The following TRPV3 variants were observed in gnomAD, a reference collection of about 807,000 sequenced individuals.
TRPV3 encodes transient receptor potential cation channel subfamily V member 3.
A neutral mutation model predicts 87.1 loss-of-function variants in TRPV3; 88 were observed. The observed-to-expected ratio is 1.01, with a 90% CI of 0.85 to 1.21. The LOEUF (loss-of-function observed/expected upper bound fraction) is 1.21. Ranked by LOEUF, TRPV3 falls within the 50% of genes most tolerant of loss-of-function variation. The probability of loss-of-function intolerance (pLI) is 0.00; values close to 1 mark genes in which losing one functional copy is unlikely to be tolerated. For synonymous variants in TRPV3, 438 were observed against 423.3 expected (o/e 1.03, Z -0.43); for missense variants, 1,054 against 1,030.1 (o/e 1.02, Z -0.32).
intron 2 of TRPV3, chr17:3,546,770 G>T: frequency 2.4e-6 from 1 of 417,258 alleles, no homozygotes; most frequent in Non-Finnish European, 4.9e-6. Flanking sequence ...TTGAGGTCAG[G>T]AGTTTGAGGC....
At position 3,530,284 on chromosome 17, in the gene TRPV3, G is replaced by T. The variant is rs1378515752; in HGVS notation, c.1066-81C>A. 1 of 1,435,108 alleles carries T rather than the reference G, an allele frequency of 7.0e-7. No homozygotes were observed. The highest frequency in any genetic ancestry group is 9.4e-7 in the Non-Finnish European group (1 of 1,062,250). The allele number at this position is 1,435,108 out of a possible 1,614,324, so 88.9% of individuals were successfully genotyped here. A position where few individuals can be genotyped will look rare whatever the true frequency, so the allele number is the denominator to read the frequency against. ...GGGCTGGACCAGCCAGAGGCTGGCT[G>T]GGCCCAGGGGATACACCCGCCCAGA... On this transcript the variant is annotated intron_variant, in intron 8 of 17. Transcript: ENST00000576742. The surrounding 1 kb of genome is among the most constrained non-coding windows in gnomAD (Gnocchi z 4.0).
chr17:3,551,956 C>A (rs1449003618), intron 2 of TRPV3, among the ~76,000 whole-genome samples: 1 of 130,826 alleles, frequency 7.6e-6, no homozygotes, highest in African/African-American at 2.8e-5. Context: ...AATCTCAGCT[C>A]ACTGCAACTT....
intron 7 of TRPV3, among the ~76,000 whole-genome samples, chr17:3,533,494 T>C (rs1444110478): frequency 7.2e-6 from 1 of 139,736 alleles, no homozygotes; most frequent in African/African-American, 2.6e-5. Context: ...CCTTGTCCTC[T>C]GCTTTACTTT....
intron 13 of TRPV3, among the ~76,000 whole-genome samples, chr17:3,521,427 A>AGAACTAAAT (rs1404876242): frequency 6.6e-6 from 1 of 152,230 alleles, no homozygotes; most frequent in Admixed American, 6.5e-5. Flanking sequence ...GCCATTATTC[A>AGAACTAAAT]GAACTAAATC....
rs770315577 is a variant in TRPV3 at position 3,528,848 on chromosome 17, G to A, written c.1390C>T (p.Arg464Trp). ...TLTLVSYYRP[R>W]EEEAIPHPLA... ...AGGGGCCCACGTACCTCCTCCTCCC[G>A]GGGGCGGTAGTACGAGACGAGGGTC... is the stretch of plus-strand genomic sequence containing the variant. Residue 464 changes from arginine to tryptophan, a missense_variant, in exon 10 of 18, where the codon CGG becomes TGG. By Grantham distance (101) the Arg-to-Trp change is moderately radical. Transcript: ENST00000576742. This position sits in a 1 kb window ranked among gnomAD's most constrained non-coding sequence, Gnocchi z 4.2. 1.5e-5 allele frequency: 25 copies of A among 1,613,644 alleles called. No homozygotes were observed. The highest frequency in any genetic ancestry group is 3.3e-5 in the Admixed American group (2 of 59,994).
intron 14 of TRPV3, among the ~76,000 whole-genome samples, chr17:3,519,999 TGGATGGATGGATGGAC>T (rs1461137151): frequency 1.5e-4 from 21 of 140,312 alleles, no homozygotes; most frequent in South Asian, 2.2e-4. Flanking sequence ...GATGGATGGA[TGGATGGATGGATGGAC>T]GGATAGACAG....
chr17:3,542,025 C>A (rs1460518811), intron 6 of TRPV3, among the ~76,000 whole-genome samples: 1 of 152,156 alleles, frequency 6.6e-6, no homozygotes, highest in Non-Finnish European at 1.5e-5. Flanking sequence ...ATGGCGATCT[C>A]GGCTCACTGC....
intron 5 of TRPV3, 121 bp downstream of exon 5, chr17:3,543,353 A>G: frequency 7.6e-7 from 1 of 1,310,768 alleles, no homozygotes; most frequent in South Asian, 1.4e-5. Flanking sequence ...CAAAGTCCCT[A>G]GCCAGAATTC....
At chr17:3,544,512 G>A in intron 4 of TRPV3, 67 bp downstream of exon 4, 7 of 1,025,714 alleles carry the variant, frequency 6.8e-6, no homozygotes, top group Non-Finnish European at 1.0e-5. Flanking sequence ...CAGGGCCCCG[G>A]ATCCTGTCTC....
intron 11 of TRPV3, chr17:3,527,592 AGGATGGAT>A (rs146068527): frequency 7.3e-5 from 17 of 234,000 alleles, no homozygotes; most frequent in Non-Finnish European, 5.9e-5. Flanking sequence ...GATGGATGGA[AGGATGGAT>A]GGATGGATGG....
intron 7 of TRPV3, among the ~76,000 whole-genome samples, chr17:3,535,134 C>A (rs1258681834): frequency 2.6e-5 from 4 of 151,360 alleles, no homozygotes; most frequent in African/African-American, 9.7e-5. Context: ...TGGCCCCTCC[C>A]TTCCTCCCTC....
intron 2 of TRPV3, among the ~76,000 whole-genome samples, chr17:3,545,667 G>A (rs929515019): frequency 2.0e-5 from 3 of 151,788 alleles, no homozygotes; most frequent in African/African-American, 7.3e-5. Context: ...AAAGTGGGCA[G>A]GAGAGAAAGG....
In TRPV3 at chr17:3,528,936, C is replaced by G. The variant is rs756463986; in HGVS notation, c.1302G>C (p.Lys434Asn). Reference protein sequence around the residue: ...PLHTLLHMKWKKFAKHMFFLS... With the variant: ...PLHTLLHMKWNKFAKHMFFLS... ...GAAAGAACATGTGCTTGGCAAACTT[C>G]TTCCACTTCATATGCAGCAGCGTGT... Residue 434 changes from lysine (K) to asparagine (N), a missense_variant, in exon 10 of 18, where the codon AAG becomes AAC. Transcript: ENST00000576742. This position sits in a 1 kb window ranked among gnomAD's most constrained non-coding sequence, Gnocchi z 4.2. 6.2e-7 allele frequency: 1 copy of G among 1,614,228 alleles called. No individual in the cohort carries two copies. The highest frequency in any genetic ancestry group is 1.7e-5 in the Admixed American group (1 of 60,028).
chr17:3,519,520 G>GGGTGATTA (rs2074218453), intron 14 of TRPV3, among the ~76,000 whole-genome samples: 1 of 148,444 alleles, frequency 6.7e-6, no homozygotes, highest in African/African-American at 2.6e-5. Flanking sequence ...TTAGATGGAT[G>GGGTGATTA]GATGGATGGA....
At chr17:3,519,850 CTGGATGGATGGA>C (rs61346728) in intron 14 of TRPV3, among the ~76,000 whole-genome samples, 1,970 of 107,738 alleles carry the variant, frequency 0.018, 69 homozygotes, top group African/African-American at 0.072. Flanking sequence ...GGATGGATGA[CTGGATGGATGGA>C]TGGATGGATG....
Position 3,518,181 on chromosome 17 carries a change from A to G in TRPV3, c.2085+395T>C, listed in dbSNP as rs7217270. On this transcript the variant is annotated intron_variant, in intron 15 of 17. Transcript: ENST00000576742. This position sits in a 1 kb window ranked among gnomAD's most constrained non-coding sequence, Gnocchi z 4.3. The stretch of plus-strand genomic sequence containing the variant: ...CTCCCAAACCTGGTTACCACCTCTG[A>G]ACCCATCCTATGCATTGGTTTCCTC... 0.59 allele frequency among the ~76,000 whole-genome samples: 89,020 copies of G among 151,864 alleles called. 26,930 individuals carry two copies. The highest frequency in any genetic ancestry group is 0.95 in the East Asian group (4,919 of 5,170).
intron 17 of TRPV3, 39 bp downstream of exon 17, chr17:3,514,554 G>A (rs1303372496): frequency 6.8e-7 from 1 of 1,467,528 alleles, no homozygotes; most frequent in Admixed American, 1.7e-5. Flanking sequence ...CATGGTCTGA[G>A]ACAGGAGCGG....
chr17:3,528,021 T>C lies in TRPV3; in HGVS notation c.1503+4A>G, dbSNP rs753947859. ...GGTCTGGAAGGGCCGGGTGGCCCACTTACCTCTTTCACAGAGATGCACATG... is the reference window on the plus strand; with the variant it reads ...GGTCTGGAAGGGCCGGGTGGCCCACCTACCTCTTTCACAGAGATGCACATG... On this transcript the variant is annotated splice_donor_region_variant and intron_variant, in intron 11 of 17. Transcript: ENST00000576742. This position sits in a 1 kb window ranked among gnomAD's most constrained non-coding sequence, Gnocchi z 4.2. 6 of 1,612,480 alleles carry C rather than the reference T, an allele frequency of 3.7e-6. No homozygotes were observed. The East Asian group carries it at 1.1e-4, about 30-fold the overall frequency.
intron 5 of TRPV3, among the ~76,000 whole-genome samples, 186 bp from the exon 6 acceptor site, chr17:3,542,884 C>T (rs1252850921): frequency 6.6e-6 from 1 of 152,066 alleles, no homozygotes; most frequent in Non-Finnish European, 1.5e-5. Context: ...TATGCTGGCT[C>T]CTTGCTCTCT....
Sources: gnomAD v4.1 joint callset for allele counts (sites outside exome capture counted in the v4.1 genomes callset) on GRCh38, gnomAD v4.1.1 for gene constraint, Gnocchi (gnomAD v3.1) non-coding constraint, MANE v1.5 for transcripts, NCBI Gene and HGNC (gene_info 2026-07-23, HGNC 2026-07-21) for gene names.